The following C10orf67 variants were observed in gnomAD, a reference collection of about 807,000 sequenced individuals.
C10orf67 encodes chromosome 10 open reading frame 67.
C10orf67 carries 60 observed loss-of-function variants against 35.6 expected under a neutral mutation model. That is an observed-to-expected ratio of 1.68 (90% CI 1.37 to 2.09). The LOEUF is 2.09. Ranked by LOEUF, C10orf67 falls within the 30% of genes most tolerant of loss-of-function variation. The pLI, the probability that C10orf67 is intolerant of heterozygous loss-of-function variation, is 0.00. For synonymous variants in C10orf67, 167 were observed against 115.8 expected (o/e 1.44, Z -2.84); for missense variants, 474 against 330.2 (o/e 1.44, Z -3.38).
In C10orf67 at chr10:23,282,413, C is replaced by T. The variant is rs532739870; in HGVS notation, c.910-335G>A. 5.3e-5 allele frequency among the ~76,000 whole-genome samples: 8 copies of T among 152,252 alleles called. No homozygotes were observed. In the East Asian group the frequency reaches 5.8e-4, roughly 11 times the overall value. The stretch of plus-strand genomic sequence containing the variant: ...ACCCATCTCTTATTTTAGGGTTTTG[C>T]GCTATGTCTATGTGCATATCAAACC... On this transcript the variant is annotated intron_variant, in intron 7 of 15. Coordinates refer to ENST00000636213, the MANE Select transcript of C10orf67 (RefSeq NM_001371909.1).
intron 10 of C10orf67, among the ~76,000 whole-genome samples, chr10:23,264,498 T>C (rs147473797): frequency 8.4e-4 from 128 of 152,234 alleles, no homozygotes; most frequent in African/African-American, 2.1e-3. Flanking sequence ...CAGGGAAAGA[T>C]TGTCACACAA....
intron 12 of C10orf67, among the ~76,000 whole-genome samples, chr10:23,243,726 A>G (rs1314964644): frequency 6.6e-6 from 1 of 152,134 alleles, no homozygotes; most frequent in African/African-American, 2.4e-5. Context: ...TCAAGAATAA[A>G]AACATTTTTA....
chr10:23,276,349 G>A (rs1030743100), intron 8 of C10orf67, among the ~76,000 whole-genome samples: 1 of 152,094 alleles, frequency 6.6e-6, no homozygotes, highest in African/African-American at 2.4e-5. Context: ...AAGACCTGCA[G>A]GACTCCTATT....
chr10:23,280,529 C>T (rs776111834), intron 8 of C10orf67, among the ~76,000 whole-genome samples: 3 of 152,156 alleles, frequency 2.0e-5, no homozygotes, highest in Admixed American at 6.5e-5. Flanking sequence ...GCAATGGAAA[C>T]CTCCATCACA....
At chr10:23,248,395 G>A (rs1482607586) in intron 12 of C10orf67, among the ~76,000 whole-genome samples, 1 of 152,184 alleles carries the variant, frequency 6.6e-6, no homozygotes, top group Non-Finnish European at 1.5e-5. Flanking sequence ...GACTAGCCCT[G>A]CTCTTGTCCG....
intron 8 of C10orf67, among the ~76,000 whole-genome samples, chr10:23,269,419 T>C (rs1842963092): frequency 1.3e-5 from 2 of 151,978 alleles, no homozygotes; most frequent in African/African-American, 4.8e-5. Context: ...TAATAGATAA[T>C]TTGCAATGGA....
chr10:23,313,147 C>T (rs1844562307), intron 4 of C10orf67, among the ~76,000 whole-genome samples: 2 of 152,340 alleles, frequency 1.3e-5, no homozygotes, highest in South Asian at 4.1e-4. Flanking sequence ...TCTTCCTTAA[C>T]TATTCACCCA....
intron 8 of C10orf67, among the ~76,000 whole-genome samples, chr10:23,275,439 G>A (rs1332980548): frequency 6.6e-6 from 1 of 152,156 alleles, no homozygotes; most frequent in Non-Finnish European, 1.5e-5. Flanking sequence ...TCCCCCTTGT[G>A]TTGCTCAGTA....
At chr10:23,252,242 A>G (rs1842473973) in intron 10 of C10orf67, among the ~76,000 whole-genome samples, 1 of 152,116 alleles carries the variant, frequency 6.6e-6, no homozygotes, top group Non-Finnish European at 1.5e-5. Context: ...CAATTTTATT[A>G]TTCAGCCTGC....
intron 2 of C10orf67, among the ~76,000 whole-genome samples, chr10:23,324,014 A>G (rs1845087037): frequency 7.4e-6 from 1 of 135,418 alleles, no homozygotes; most frequent in African/African-American, 2.8e-5. Context: ...TTTTCCCTTT[A>G]CTCCAAGCTG....
intron 5 of C10orf67, among the ~76,000 whole-genome samples, chr10:23,295,265 C>T (rs1391063520): frequency 3.3e-5 from 5 of 152,208 alleles, no homozygotes; most frequent in African/African-American, 1.2e-4. Context: ...ACATATGAGC[C>T]GGTGTGGCTC....
At chr10:23,292,478 T>A (rs1433728437) in intron 5 of C10orf67, among the ~76,000 whole-genome samples, 1 of 152,174 alleles carries the variant, frequency 6.6e-6, no homozygotes, top group African/African-American at 2.4e-5. Flanking sequence ...TTATTCTTTT[T>A]ACAGTAATTC....
At chr10:23,237,493 A>G (rs967742475) in intron 13 of C10orf67, among the ~76,000 whole-genome samples, 4 of 152,166 alleles carry the variant, frequency 2.6e-5, no homozygotes, top group Non-Finnish European at 4.4e-5. Context: ...TTTTTTCATA[A>G]TAGCCCTAAC....
intron 10 of C10orf67, among the ~76,000 whole-genome samples, chr10:23,257,798 G>GTT (rs144725163): frequency 6.9e-6 from 1 of 144,958 alleles, no homozygotes. Flanking sequence ...GTCAGACTCT[G>GTT]TTTTTTTTTT....
Position 23,203,690 on chromosome 10 carries a change from A to C in C10orf67, c.*483T>G, listed in dbSNP as rs1353409346. 1 of 152,388 alleles carries C rather than the reference A, an allele frequency of 6.6e-6. No homozygotes were observed. The highest frequency in any genetic ancestry group is 1.5e-5 in the Non-Finnish European group (1 of 68,146). 9.4% of individuals were successfully genotyped at this position (152,388 alleles called of 1,614,324 possible). On this transcript the variant is annotated 3_prime_UTR_variant, in exon 16 of 16. Transcript: ENST00000636213. The stretch of plus-strand genomic sequence containing the variant: ...AGGTGCCCTGTGCCGGGGTAAGATA[A>C]GAATGAATCTTGCTTGAGGAAATGT...
intron 7 of C10orf67, among the ~76,000 whole-genome samples, chr10:23,284,530 A>T (rs957028746): frequency 6.6e-6 from 1 of 151,804 alleles, no homozygotes; most frequent in Admixed American, 6.6e-5. Context: ...AAAAAAAAAA[A>T]ATTAAAAAAA....
chr10:23,272,197 G>T (rs553775570), intron 8 of C10orf67, among the ~76,000 whole-genome samples: 4 of 152,208 alleles, frequency 2.6e-5, no homozygotes, highest in Admixed American at 2.6e-4. Flanking sequence ...GATTACAGGC[G>T]TGAGCCACCA....
At chr10:23,247,066 T>G (rs145267118) in intron 12 of C10orf67, among the ~76,000 whole-genome samples, 1,684 of 152,280 alleles carry the variant, frequency 0.011, 22 homozygotes, top group Non-Finnish European at 0.016. Flanking sequence ...TTTTAAAAAT[T>G]AGAGAGTTTA....
chr10:23,297,060 T>C (rs1011327605), intron 5 of C10orf67, among the ~76,000 whole-genome samples: 3 of 152,244 alleles, frequency 2.0e-5, no homozygotes, highest in Non-Finnish European at 4.4e-5. Context: ...GGAAGGCAAC[T>C]ATGTCCTCGT....
Sources: gnomAD v4.1 joint callset for allele counts (sites outside exome capture counted in the v4.1 genomes callset) on GRCh38, gnomAD v4.1.1 for gene constraint, MANE v1.5 for transcripts, NCBI Gene and HGNC (gene_info 2026-07-23, HGNC 2026-07-21) for gene names.